CSMD1: variants seen among roughly 807,000 people sequenced by gnomAD.
CSMD1 encodes CUB and Sushi multiple domains 1.
A neutral mutation model predicts 417.5 loss-of-function variants in CSMD1; 213 were observed. The ratio of observed to expected loss-of-function variants is 0.51; its 90% CI spans 0.46 to 0.57. The LOEUF (loss-of-function observed/expected upper bound fraction) is 0.57, where lower values mean the gene tolerates loss of function less well. Ranked by LOEUF, CSMD1 falls within the 20% of genes least tolerant of loss-of-function variation. CSMD1 has a pLI of 0.00. For synonymous variants in CSMD1, 2,862 were observed against 1,736.8 expected (o/e 1.65, Z -16.11); for missense variants, 6,923 against 4,529.7 (o/e 1.53, Z -15.17).
chr8:3,206,119 T>C (rs1251129597), intron 30 of CSMD1, among the ~76,000 whole-genome samples: 2 of 152,186 alleles, frequency 1.3e-5, no homozygotes, highest in Non-Finnish European at 2.9e-5. Context: ...GCAACATGCA[T>C]AATTACTAAT....
chr8:3,970,202 T>C (rs1042949883), intron 5 of CSMD1, among the ~76,000 whole-genome samples: 23 of 151,584 alleles, frequency 1.5e-4, no homozygotes, highest in African/African-American at 4.8e-4. Context: ...GACTTTCTTT[T>C]ACAAACTAAA....
intron 6 of CSMD1, among the ~76,000 whole-genome samples, chr8:3,719,426 T>C (rs538009676): frequency 1.3e-5 from 2 of 152,286 alleles, no homozygotes; most frequent in South Asian, 4.1e-4. Context: ...TTTCTCATTC[T>C]TTTTCCAGGC....
At chr8:4,436,973 T>C (rs10088101) in intron 2 of CSMD1, among the ~76,000 whole-genome samples, 4,280 of 152,234 alleles carry the variant, frequency 0.028, 192 homozygotes, top group African/African-American at 0.096. Flanking sequence ...GTGCTGCAAT[T>C]TGAATTTCTT....
At position 3,707,120 on chromosome 8, in the gene CSMD1, C is replaced by A. The variant is rs139787921; in HGVS notation, c.1009+1294G>T. ...CTCTGTCCTCTCAACCTGCGCAGGA[C>A]TGAGCACAGACTATGGATTATTGTC... On this transcript the variant is annotated intron_variant, in intron 7 of 69. Coordinates refer to ENST00000635120, the MANE Select transcript of CSMD1 (RefSeq NM_033225.6). 5.7e-3 allele frequency among the ~76,000 whole-genome samples: 861 copies of A among 152,212 alleles called. 9 individuals are homozygous for A. The highest frequency in any genetic ancestry group is 0.02 in the African/African-American group (831 of 41,518).
At chr8:4,304,898 T>C (rs1359535067) in intron 3 of CSMD1, among the ~76,000 whole-genome samples, 1 of 152,136 alleles carries the variant, frequency 6.6e-6, no homozygotes, top group Non-Finnish European at 1.5e-5. Flanking sequence ...TATCAAAATA[T>C]ATATTAAGGT....
chr8:3,780,341 T>C (rs1200701603), intron 5 of CSMD1, among the ~76,000 whole-genome samples: 1 of 152,212 alleles, frequency 6.6e-6, no homozygotes, highest in African/African-American at 2.4e-5. Context: ...TTCGTTAGAA[T>C]AGAATTTGGA....
intron 3 of CSMD1, among the ~76,000 whole-genome samples, chr8:4,193,567 C>G (rs1468047516): frequency 6.6e-6 from 1 of 152,022 alleles, no homozygotes; most frequent in Non-Finnish European, 1.5e-5. Flanking sequence ...TGTGGGAAAA[C>G]AAATGAAAGA....
chr8:4,503,004 TA>T (rs1413131225), intron 2 of CSMD1, among the ~76,000 whole-genome samples: 1 of 152,040 alleles, frequency 6.6e-6, no homozygotes, highest in Admixed American at 6.6e-5. Context: ...GCACAGGAAA[TA>T]AAAAAAGCTA....
At chr8:3,214,319 C>T (rs1051765712) in intron 30 of CSMD1, among the ~76,000 whole-genome samples, 178 bp downstream of exon 30, 1 of 152,152 alleles carries the variant, frequency 6.6e-6, no homozygotes, top group African/African-American at 2.4e-5. Context: ...GAATGGCTAA[C>T]ACACTAGCTG....
chr8:4,894,718 G>GTGTT (rs1554513210), intron 1 of CSMD1, among the ~76,000 whole-genome samples: 2 of 151,992 alleles, frequency 1.3e-5, no homozygotes, highest in Admixed American at 6.6e-5. Flanking sequence ...GTGTGTGTGT[G>GTGTT]TGTGTCTGAG....
At chr8:4,588,112 G>C (rs756551826) in intron 2 of CSMD1, among the ~76,000 whole-genome samples, 3 of 152,082 alleles carry the variant, frequency 2.0e-5, no homozygotes, top group Non-Finnish European at 4.4e-5. Context: ...CTTCCCTCTA[G>C]CTAGAGTGGA....
chr8:3,935,658 G>C (rs946803686), intron 5 of CSMD1, among the ~76,000 whole-genome samples: 1 of 152,100 alleles, frequency 6.6e-6, no homozygotes, highest in Non-Finnish European at 1.5e-5. Context: ...GGTAAAATTA[G>C]TCAATAAATG....
intron 12 of CSMD1, among the ~76,000 whole-genome samples, chr8:3,439,288 TATATATATATATATATA>T (rs1459952245): frequency 2.4e-5 from 1 of 41,600 alleles, no homozygotes; most frequent in African/African-American, 1.7e-4. Context: ...TCAGTATATA[TATATATATATATATATA>T]TATATTTTTT....
At chr8:4,124,748 T>A (rs1362616898) in intron 3 of CSMD1, among the ~76,000 whole-genome samples, 6 of 152,160 alleles carry the variant, frequency 3.9e-5, no homozygotes, top group Non-Finnish European at 8.8e-5. Flanking sequence ...AGCTGCAAAC[T>A]AAGGGACTGA....
intron 3 of CSMD1, among the ~76,000 whole-genome samples, chr8:4,416,526 A>G: frequency 6.6e-6 from 1 of 152,126 alleles, no homozygotes; most frequent in South Asian, 2.1e-4. Context: ...TGAGTCTAAG[A>G]GTTTTGATAA....
chr8:4,008,072 G>T (rs971711809), intron 4 of CSMD1, among the ~76,000 whole-genome samples: 5 of 152,174 alleles, frequency 3.3e-5, no homozygotes, highest in African/African-American at 1.2e-4. Flanking sequence ...ACAAGTCCAG[G>T]AGGTTTTTTC....
intron 1 of CSMD1, among the ~76,000 whole-genome samples, chr8:4,956,393 CACAT>C (rs1400851389): frequency 5.3e-5 from 8 of 149,890 alleles, no homozygotes; most frequent in African/African-American, 2.0e-4. Context: ...TGTATATATA[CACAT>C]ACATTTTCAA....
chr8:4,974,070 G>C (rs926735890), intron 1 of CSMD1, among the ~76,000 whole-genome samples: 4 of 152,210 alleles, frequency 2.6e-5, no homozygotes, highest in African/African-American at 9.7e-5. Flanking sequence ...GCCCAGGCTG[G>C]AGAGTAGTGG....
intron 2 of CSMD1, among the ~76,000 whole-genome samples, chr8:4,559,392 A>G (rs545424487): frequency 6.6e-6 from 1 of 152,140 alleles, no homozygotes; most frequent in Non-Finnish European, 1.5e-5. Flanking sequence ...TTCATATACT[A>G]TTTCACCAAA....
Sources: allele counts gnomAD v4.1 joint callset (sites outside exome capture counted in the v4.1 genomes callset), GRCh38; gene constraint gnomAD v4.1.1; transcripts MANE v1.5; gene names NCBI Gene and HGNC (gene_info 2026-07-23, HGNC 2026-07-21).